Variants in SPHKAP observed in about 807,000 individuals in gnomAD.
The protein encoded by SPHKAP is SPHK1 interactor, AKAP domain containing, also known as A-kinase anchor protein SPHKAP.
SPHKAP carries 67 observed loss-of-function variants against 137.5 expected under a neutral mutation model. The ratio of observed to expected loss-of-function variants is 0.49; its 90% confidence interval spans 0.40 to 0.60. The LOEUF (loss-of-function observed/expected upper bound fraction) is 0.60. Ranked by LOEUF, SPHKAP falls within the 20% of genes least tolerant of loss-of-function variation. The pLI is 0.00. For synonymous variants in SPHKAP, 813 were observed against 785.3 expected (o/e 1.04, Z -0.59); for missense variants, 2,097 against 2,069.3 (o/e 1.01, Z -0.26).
chr2:228,124,161 T>C (rs1699000129), intron 2 of SPHKAP, among the ~76,000 whole-genome samples: 1 of 152,198 alleles, frequency 6.6e-6, no homozygotes, highest in South Asian at 2.1e-4. Flanking sequence ...TCAACCATTG[T>C]GGAAGTCAGT....
At chr2:228,020,649 T>C (rs1694807864) in intron 6 of SPHKAP, among the ~76,000 whole-genome samples, 2 of 152,128 alleles carry the variant, frequency 1.3e-5, no homozygotes, top group African/African-American at 4.8e-5. Context: ...CACACCAACA[T>C]GGCACATGTA....
intron 1 of SPHKAP, among the ~76,000 whole-genome samples, chr2:228,176,944 CT>C (rs1470598852): frequency 6.6e-6 from 1 of 152,126 alleles, no homozygotes; most frequent in Non-Finnish European, 1.5e-5. Flanking sequence ...TCACTGTTTC[CT>C]CTTCCCCTCC....
chr2:228,173,780 C>T (rs1360508456), intron 1 of SPHKAP, among the ~76,000 whole-genome samples: 9 of 152,116 alleles, frequency 5.9e-5, no homozygotes, highest in Admixed American at 5.9e-4. Flanking sequence ...CATTTTCTGA[C>T]AATTTTAAAA....
intron 3 of SPHKAP, among the ~76,000 whole-genome samples, chr2:228,099,377 G>T (rs1229226215): frequency 6.6e-6 from 1 of 152,026 alleles, no homozygotes; most frequent in East Asian, 1.9e-4. Flanking sequence ...CTGTTCCATT[G>T]GTCTGTGTCT....
chr2:228,103,440 A>G (rs1698237820), intron 3 of SPHKAP, among the ~76,000 whole-genome samples: 1 of 152,146 alleles, frequency 6.6e-6, no homozygotes, highest in African/African-American at 2.4e-5. Flanking sequence ...GCACCCACGT[A>G]AGGGGGATGG....
chr2:228,144,159 TGCCACACAG>T (rs1699694049), intron 1 of SPHKAP, among the ~76,000 whole-genome samples: 1 of 152,168 alleles, frequency 6.6e-6, no homozygotes, highest in African/African-American at 2.4e-5. Flanking sequence ...TAACTAGAAT[TGCCACACAG>T]GCCTCTTTAT....
intron 4 of SPHKAP, among the ~76,000 whole-genome samples, chr2:228,026,632 T>G (rs1474997115): frequency 1.3e-5 from 2 of 152,214 alleles, no homozygotes; most frequent in African/African-American, 4.8e-5. Context: ...TGCTCTTTGA[T>G]GGACTCTGCA....
At position 227,981,713 on chromosome 2, in the gene SPHKAP, CTTA is replaced by C; in HGVS notation, c.*1_*3del. On this transcript the variant is annotated 3_prime_UTR_variant, in exon 12 of 12. Transcript: ENST00000392056. Reference sequence around the variant, plus strand: ...AGGAATGATCTATACGGCAGACTGCCTTATTATCCCAGTTCCAAGAGCCAGTCA... The same window carrying C: ...AGGAATGATCTATACGGCAGACTGCCTTATCCCAGTTCCAAGAGCCAGTCA... 1.2e-6 allele frequency: 2 copies of C among 1,612,194 alleles called. No individual in the cohort carries two copies. Among genetic ancestry groups the C allele is most frequent in the South Asian group, 1.1e-5 (1 of 90,798 alleles).
chr2:228,169,191 T>C (rs1393717280), intron 1 of SPHKAP, among the ~76,000 whole-genome samples: 1 of 152,146 alleles, frequency 6.6e-6, no homozygotes, highest in African/African-American at 2.4e-5. Context: ...CAGAAAACTA[T>C]CCAGAATATT....
At chr2:228,063,143 C>CCTATCTATCTATCTATCTATCTAT (rs71043020) in intron 3 of SPHKAP, among the ~76,000 whole-genome samples, 3 of 145,858 alleles carry the variant, frequency 2.1e-5, no homozygotes, top group East Asian at 2.1e-4. Flanking sequence ...TAGATAGATC[C>CCTATCTATCTATCTATCTATCTAT]CTATCTATCT....
chr2:228,141,625 T>C (rs905044664), intron 1 of SPHKAP, among the ~76,000 whole-genome samples: 1 of 151,506 alleles, frequency 6.6e-6, no homozygotes, highest in Non-Finnish European at 1.5e-5. Context: ...GATTATAAAA[T>C]GAAGAATAAC....
At chr2:228,106,793 G>A (rs1698356802) in intron 3 of SPHKAP, among the ~76,000 whole-genome samples, 1 of 152,052 alleles carries the variant, frequency 6.6e-6, no homozygotes, top group South Asian at 2.1e-4. Flanking sequence ...ACCCATCCTA[G>A]AAATATGTGC....
At chr2:228,120,013 T>C (rs999218881) in intron 2 of SPHKAP, among the ~76,000 whole-genome samples, 3 of 152,194 alleles carry the variant, frequency 2.0e-5, no homozygotes, top group African/African-American at 7.2e-5. Context: ...TAACTGATTA[T>C]TTTAAAAGTG....
At position 228,008,824 on chromosome 2, in the gene SPHKAP, A is replaced by G. The variant is rs1156920327; in HGVS notation, c.4448+7582T>C. ...GTGGGTGTCTATTATTGGGCTCTCT[A>G]TTCTGTTCCATTGCTTGATTTTGCC... is the stretch of plus-strand genomic sequence containing the variant. On this transcript the variant is annotated intron_variant, in intron 7 of 11. Transcript: ENST00000392056. Among the ~76,000 whole-genome samples, 3 of 151,758 alleles carry G rather than the reference A, an allele frequency of 2.0e-5. No individual in the cohort carries two copies. The South Asian group carries it at 6.2e-4, about 32-fold the overall frequency.
chr2:227,983,653 A>G (rs554539443), intron 11 of SPHKAP, among the ~76,000 whole-genome samples: 16 of 152,368 alleles, frequency 1.1e-4, no homozygotes, highest in East Asian at 9.6e-4. Flanking sequence ...ATAAACATTT[A>G]GCATCATTGA....
At chr2:228,175,131 C>G (rs1574920925) in intron 1 of SPHKAP, among the ~76,000 whole-genome samples, 1 of 150,934 alleles carries the variant, frequency 6.6e-6, no homozygotes, top group African/African-American at 2.4e-5. Flanking sequence ...AAAAGCAGAA[C>G]AGGATAGGAA....
chr2:228,006,631 T>C (rs1197917570), intron 7 of SPHKAP, among the ~76,000 whole-genome samples: 1 of 152,200 alleles, frequency 6.6e-6, no homozygotes, highest in Non-Finnish European at 1.5e-5. Flanking sequence ...TTTTAGAATT[T>C]TCAGTTTTTC....
intron 1 of SPHKAP, among the ~76,000 whole-genome samples, chr2:228,137,060 C>T (rs533238662): frequency 1.3e-5 from 2 of 152,298 alleles, no homozygotes; most frequent in African/African-American, 4.8e-5. Flanking sequence ...CACTTACGCT[C>T]CTGCCTCGTT....
intron 1 of SPHKAP, among the ~76,000 whole-genome samples, chr2:228,152,775 G>A (rs954298096): frequency 6.8e-6 from 1 of 147,156 alleles, no homozygotes; most frequent in Non-Finnish European, 1.5e-5. Context: ...ACCTTATTAT[G>A]TTCTAAAACT....
Sources: allele counts gnomAD v4.1 joint callset (sites outside exome capture counted in the v4.1 genomes callset), GRCh38; gene constraint gnomAD v4.1.1; transcripts MANE v1.5; gene names NCBI Gene and HGNC (gene_info 2026-07-23, HGNC 2026-07-21).